ANTXR1: variants seen among roughly 807,000 people sequenced by gnomAD.
The protein encoded by ANTXR1 is ANTXR cell adhesion molecule 1.
A neutral mutation model predicts 78.1 loss-of-function variants in ANTXR1; 19 were observed. That is an observed-to-expected ratio of 0.24 (90% CI 0.17 to 0.36). The LOEUF is 0.36. Ranked by LOEUF, ANTXR1 falls within the 10% of genes least tolerant of loss-of-function variation. ANTXR1 has a pLI of 1.00. For synonymous variants in ANTXR1, 273 were observed against 260.5 expected (o/e 1.05, Z -0.46); for missense variants, 518 against 718.6 (o/e 0.72, Z 3.19).
intron 12 of ANTXR1, among the ~76,000 whole-genome samples, chr2:69,147,967 G>A (rs533486852): frequency 3.3e-5 from 5 of 152,278 alleles, no homozygotes; most frequent in Non-Finnish European, 7.4e-5. Flanking sequence ...AAAAATGCAG[G>A]CGTTTCAAGA....
chr2:69,128,490 G>T (rs751270636), intron 12 of ANTXR1, among the ~76,000 whole-genome samples: 46 of 152,096 alleles, frequency 3.0e-4, no homozygotes, highest in Non-Finnish European at 6.6e-4. Flanking sequence ...ATAACCAAGG[G>T]GCTCCTCTGA....
chr2:69,185,677 C>A (rs145189739), intron 16 of ANTXR1, among the ~76,000 whole-genome samples: 1 of 152,144 alleles, frequency 6.6e-6, no homozygotes, highest in Admixed American at 6.5e-5. Context: ...CATGATTGCA[C>A]TGCGGTGATT....
chr2:69,172,038 C>T (rs1010462132), intron 14 of ANTXR1, among the ~76,000 whole-genome samples: 15 of 152,276 alleles, frequency 9.9e-5, no homozygotes, highest in African/African-American at 2.6e-4. Flanking sequence ...GGATAACTCA[C>T]GTGAACACCT....
chr2:69,055,127 T>G (rs1573818069), intron 3 of ANTXR1, among the ~76,000 whole-genome samples: 1 of 151,970 alleles, frequency 6.6e-6, no homozygotes. Context: ...TTGTTAGGGG[T>G]TTTTATAAAC....
At chr2:69,186,471 C>T (rs1037948282) in intron 16 of ANTXR1, among the ~76,000 whole-genome samples, 1 of 152,216 alleles carries the variant, frequency 6.6e-6, no homozygotes, top group African/African-American at 2.4e-5. Context: ...TTCCCTTTCC[C>T]GAACTCACCG....
At chr2:69,211,094 G>A (rs946600339) in intron 17 of ANTXR1, among the ~76,000 whole-genome samples, 8 of 152,162 alleles carry the variant, frequency 5.3e-5, no homozygotes, top group South Asian at 4.1e-4. Flanking sequence ...TGTTACCTAA[G>A]ATTTTCCTTA....
chr2:69,019,736 T>C (rs7571614), intron 1 of ANTXR1, among the ~76,000 whole-genome samples: 13,916 of 152,212 alleles, frequency 0.091, 1,681 homozygotes, highest in African/African-American at 0.28. Flanking sequence ...TCCTGTCACC[T>C]TCCACCCTCC....
chr2:69,132,352 G>A (rs929682647), intron 12 of ANTXR1, among the ~76,000 whole-genome samples: 4 of 152,242 alleles, frequency 2.6e-5, no homozygotes, highest in African/African-American at 9.6e-5. Context: ...ACAGTCTTTG[G>A]AGGAAATTTC....
At chr2:69,209,468 T>C (rs1195991978) in intron 17 of ANTXR1, among the ~76,000 whole-genome samples, 1 of 152,266 alleles carries the variant, frequency 6.6e-6, no homozygotes, top group African/African-American at 2.4e-5. Flanking sequence ...TGTTTATTTG[T>C]TGTGCTAAAC....
chr2:69,147,698 C>A (rs1673266886), intron 12 of ANTXR1, among the ~76,000 whole-genome samples: 1 of 152,212 alleles, frequency 6.6e-6, no homozygotes, highest in Admixed American at 6.5e-5. Context: ...TAAAATTAGA[C>A]CACATGGATT....
chr2:69,055,209 T>G (rs567210548), intron 3 of ANTXR1, among the ~76,000 whole-genome samples: 7 of 152,182 alleles, frequency 4.6e-5, no homozygotes, highest in Non-Finnish European at 8.8e-5. Context: ...CAACAGTGAT[T>G]CAAAGGGTGA....
chr2:69,013,572 T>G lies in ANTXR1; in HGVS notation c.73T>G (p.Cys25Gly), dbSNP rs775307140. ...WLSLATLVLICAGQGGRREDG... is the reference protein window; with the variant it reads ...WLSLATLVLIGAGQGGRREDG... ...CTCTTTGGCCACTCTGGTGCTCATC[T>G]GCGCCGGGCAAGGGGGACGCAGGGA... The change falls in exon 1 of 18, where the codon TGC becomes GGC. Residue 25 changes from cysteine (C) to glycine (G), a missense_variant. Around this residue, in one of 5 missense-constraint regions of ANTXR1, gnomAD observed 55 missense variants for 52.5 expected, o/e 1.05. Coordinates refer to ENST00000303714, the MANE Select transcript of ANTXR1 (RefSeq NM_032208.3). The surrounding 1 kb of genome is among the most constrained non-coding windows in gnomAD (Gnocchi z 5.0). The G allele has an allele frequency of 3.2e-6, 5 of 1,572,682 alleles. No individual in the cohort carries two copies. The highest frequency in any genetic ancestry group is 4.3e-6 in the Non-Finnish European group (5 of 1,158,984).
At chr2:69,209,006 G>T (rs1038770292) in intron 17 of ANTXR1, among the ~76,000 whole-genome samples, 1 of 152,160 alleles carries the variant, frequency 6.6e-6, no homozygotes, top group Non-Finnish European at 1.5e-5. Context: ...AGGCTCCAGT[G>T]ATCCTCCTGC....
At chr2:69,114,977 A>G (rs889824883) in intron 10 of ANTXR1, among the ~76,000 whole-genome samples, 1 of 152,234 alleles carries the variant, frequency 6.6e-6, no homozygotes, top group Non-Finnish European at 1.5e-5. Flanking sequence ...CTAAAGAAGC[A>G]TATAAAGCCA....
chr2:69,075,733 G>C, intron 7 of ANTXR1, 75 bp downstream of exon 7: 2 of 1,347,692 alleles, frequency 1.5e-6, no homozygotes, highest in Non-Finnish European at 2.1e-6. Context: ...AGTCAGTGCA[G>C]AGGGAAGATC....
chr2:69,104,844 G>A (rs1671751865), intron 10 of ANTXR1, among the ~76,000 whole-genome samples: 1 of 152,240 alleles, frequency 6.6e-6, no homozygotes, highest in South Asian at 2.1e-4. Flanking sequence ...AGCACTTTGG[G>A]AGGCTGAGGT....
chr2:69,153,141 A>G (rs992791441), intron 13 of ANTXR1, among the ~76,000 whole-genome samples: 3 of 152,174 alleles, frequency 2.0e-5, no homozygotes, highest in Admixed American at 1.3e-4. Context: ...CTGCCATGGC[A>G]TCTTCATTTC....
intron 17 of ANTXR1, among the ~76,000 whole-genome samples, chr2:69,235,362 C>T (rs1012410622): frequency 2.0e-5 from 3 of 152,018 alleles, no homozygotes; most frequent in Admixed American, 2.0e-4. Context: ...AAAATAGACT[C>T]TATGGGCCAG....
intron 10 of ANTXR1, among the ~76,000 whole-genome samples, chr2:69,107,930 G>T (rs1484073428): frequency 1.3e-5 from 2 of 152,088 alleles, no homozygotes; most frequent in Non-Finnish European, 2.9e-5. Context: ...CTATGTAGAG[G>T]AATTCACTTT....
Sources: gnomAD v4.1 joint callset for allele counts (sites outside exome capture counted in the v4.1 genomes callset) on GRCh38, gnomAD v4.1.1 for gene constraint, gnomAD v4.1.1 regional missense constraint, Gnocchi (gnomAD v3.1) non-coding constraint, MANE v1.5 for transcripts, NCBI Gene and HGNC (gene_info 2026-07-23, HGNC 2026-07-21) for gene names.